The following SPATA16 variants were observed in gnomAD, a reference collection of about 807,000 sequenced individuals.
SPATA16 encodes spermatogenesis associated 16.
A neutral mutation model predicts 63.3 loss-of-function variants in SPATA16; 36 were observed. The ratio of observed to expected loss-of-function variants is 0.57; its 90% CI spans 0.44 to 0.75. SPATA16 has a LOEUF of 0.75. Among genes scored for constraint, SPATA16 ranks in the 30% least tolerant of loss-of-function variants. The pLI, the probability that SPATA16 is intolerant of heterozygous loss-of-function variation, is 0.00. For missense variants in SPATA16, 646 were observed against 679.3 expected (o/e 0.95, Z 0.54); for synonymous variants, 203 against 216.7 (o/e 0.94, Z 0.56).
chr3:173,033,487 C>A (rs545223131), intron 3 of SPATA16, among the ~76,000 whole-genome samples: 1 of 152,008 alleles, frequency 6.6e-6, no homozygotes, highest in Non-Finnish European at 1.5e-5. Flanking sequence ...ATTATCTTTC[C>A]TTTGGAGTCT....
At chr3:172,914,461 A>G (rs968229061) in intron 9 of SPATA16, among the ~76,000 whole-genome samples, 6 of 152,212 alleles carry the variant, frequency 3.9e-5, no homozygotes, top group Non-Finnish European at 7.4e-5. Flanking sequence ...TCACTATGAC[A>G]TCAAACAGTA....
intron 2 of SPATA16, among the ~76,000 whole-genome samples, chr3:173,111,026 G>C (rs1432105257): frequency 6.6e-6 from 1 of 152,214 alleles, no homozygotes; most frequent in African/African-American, 2.4e-5. Flanking sequence ...GCACATTACA[G>C]TATGAAAAGC....
chr3:173,032,273 A>G (rs1185306490), intron 3 of SPATA16, among the ~76,000 whole-genome samples: 1 of 152,138 alleles, frequency 6.6e-6, no homozygotes, highest in Admixed American at 6.6e-5. Context: ...ACAAACACCT[A>G]TTTCTTGACA....
rs770570165 is a variant in SPATA16, at chr3:172,976,949, T to C, written c.933+19A>G. ...AATGAGATGGGTTTCTCCTCCCTAG[T>C]TGGGACATCAATTTTTACCTGCCAA... On this transcript the variant is annotated intron_variant, in intron 5 of 10. Transcript: ENST00000351008. 3.7e-6 allele frequency: 6 copies of C among 1,605,076 alleles called. No homozygotes were observed. The highest frequency in any genetic ancestry group is 5.1e-6 in the Non-Finnish European group (6 of 1,172,876).
At chr3:172,935,688 G>C (rs1732973297) in intron 6 of SPATA16, among the ~76,000 whole-genome samples, 1 of 152,138 alleles carries the variant, frequency 6.6e-6, no homozygotes, top group African/African-American at 2.4e-5. Flanking sequence ...GGTGAAATCG[G>C]GGTATCAGTA....
Position 172,889,629 on chromosome 3 carries a change from TCA to T in SPATA16, c.1649_1650del (p.Leu550GlnfsTer48). On this transcript the variant is annotated frameshift_variant, in exon 11 of 11. Coordinates refer to ENST00000351008, the MANE Select transcript of SPATA16 (RefSeq NM_031955.6). LOFTEE classifies it high-confidence loss of function. ...LEDSFLKTKK[L>X]RTARRQKTKM... is the part of the protein sequence containing the mutation. The stretch of plus-strand genomic sequence containing the variant: ...TTTGTTTTTTGCCTTCGAGCAGTTC[TCA>T]GTTTTTTAGTTTTTAAGAAACTGTC... 6.2e-7 allele frequency: 1 copy of T among 1,613,912 alleles called. No individual in the cohort carries two copies. The highest frequency in any genetic ancestry group is 8.5e-7 in the Non-Finnish European group (1 of 1,179,880).
chr3:172,956,637 A>G, intron 6 of SPATA16, 40 bp downstream of exon 6: 2 of 1,600,752 alleles, frequency 1.2e-6, no homozygotes, highest in Non-Finnish European at 1.7e-6. Flanking sequence ...TTTATTTGAA[A>G]CAAAATATCA....
At chr3:173,029,431 T>G (rs1735549252) in intron 3 of SPATA16, among the ~76,000 whole-genome samples, 1 of 150,794 alleles carries the variant, frequency 6.6e-6, no homozygotes, top group African/African-American at 2.5e-5. Flanking sequence ...GTTTGTTTTG[T>G]TGTTGTTTGT....
intron 4 of SPATA16, among the ~76,000 whole-genome samples, chr3:172,992,338 T>A (rs963668689): frequency 9.9e-5 from 15 of 152,258 alleles, no homozygotes; most frequent in African/African-American, 2.9e-4. Flanking sequence ...GGAAGTATTT[T>A]TTCATGTGAG....
intron 2 of SPATA16, among the ~76,000 whole-genome samples, chr3:173,100,870 A>G (rs1051095306): frequency 6.6e-6 from 1 of 152,198 alleles, no homozygotes; most frequent in Non-Finnish European, 1.5e-5. Flanking sequence ...AATATCAACA[A>G]CAAGAGAAAA....
At position 173,101,863 on chromosome 3, in the gene SPATA16, T is replaced by C. The variant is rs9809764; in HGVS notation, c.612+15257A>G. ...TTCATCTTTAGTCCCTGAACCACTA[T>C]GCATTCTCTTCACTGGACGCTTTCT... On this transcript the variant is annotated intron_variant, in intron 2 of 10. Coordinates refer to ENST00000351008, the MANE Select transcript of SPATA16 (RefSeq NM_031955.6). Among the ~76,000 whole-genome samples the C allele has an allele frequency of 8.6e-3, 1,313 of 152,270 alleles. 28 individuals are homozygous for C. The highest frequency in any genetic ancestry group is 0.029 in the African/African-American group (1,213 of 41,558).
chr3:173,057,115 C>CTTTTT (rs397876631), intron 2 of SPATA16, among the ~76,000 whole-genome samples: 11 of 138,186 alleles, frequency 8.0e-5, no homozygotes, highest in East Asian at 4.3e-4. Flanking sequence ...CTTTTCTTTT[C>CTTTTT]TTTTTTTTTT....
chr3:172,977,195 A>G (rs919681069), intron 4 of SPATA16, 143 bp from the exon 5 acceptor site: 2 of 729,290 alleles, frequency 2.7e-6, no homozygotes, highest in African/African-American at 1.8e-5. Flanking sequence ...GCAAAACACA[A>G]AGCACATTTT....
chr3:173,117,605 T>G lies in SPATA16; in HGVS notation c.127A>C (p.Met43Leu). The change falls in exon 2 of 11, where the codon ATG (methionine) becomes CTG (leucine). Residue 43 changes from methionine (M) to leucine (L), a missense_variant. Met to Leu is a conservative substitution (Grantham distance 15). Transcript: ENST00000351008. ...CAGTTTTTCTTAATCTCTTGTGACA[T>G]TTCCAGGATGTTAGGTGGGTGCGCT... ...TLAHPPNILE[M>L]SQEIKKNCGG... 6.2e-7 allele frequency: 1 copy of G among 1,613,774 alleles called. No individual in the cohort carries two copies. The highest frequency in any genetic ancestry group is 8.5e-7 in the Non-Finnish European group (1 of 1,179,776).
Position 172,926,902 on chromosome 3 carries a change from T to A in SPATA16, c.1082-1410A>T, listed in dbSNP as rs188886510. On this transcript the variant is annotated intron_variant, in intron 6 of 10. Coordinates refer to ENST00000351008, the MANE Select transcript of SPATA16 (RefSeq NM_031955.6). ...GAGGTAAGCCCTCTTCGTTTAACAC[T>A]GCCAGAAAGGGGGAAAGGCAAAATC... is the stretch of plus-strand genomic sequence containing the variant. Among the ~76,000 whole-genome samples, 347 of 152,300 alleles carry A rather than the reference T, an allele frequency of 2.3e-3. 1 individual carries two copies. The highest frequency in any genetic ancestry group is 8.2e-3 in the African/African-American group (339 of 41,558).
intron 10 of SPATA16, among the ~76,000 whole-genome samples, chr3:172,912,119 T>G (rs1446464471): frequency 6.6e-6 from 1 of 152,360 alleles, no homozygotes; most frequent in South Asian, 2.1e-4. Flanking sequence ...TAAAAAACAC[T>G]TCAGTACGAA....
chr3:173,022,685 T>C (rs1735360630), intron 3 of SPATA16, among the ~76,000 whole-genome samples: 1 of 152,088 alleles, frequency 6.6e-6, no homozygotes, highest in African/African-American at 2.4e-5. Context: ...TTGATGCCAT[T>C]TGGAAAGCTG....
chr3:172,945,395 T>G (rs1418405308), intron 6 of SPATA16, among the ~76,000 whole-genome samples: 1 of 152,198 alleles, frequency 6.6e-6, no homozygotes, highest in Non-Finnish European at 1.5e-5. Context: ...AACACCAAAC[T>G]GAACAACTAT....
intron 6 of SPATA16, among the ~76,000 whole-genome samples, chr3:172,949,136 T>C (rs1235317242): frequency 6.6e-6 from 1 of 152,168 alleles, no homozygotes; most frequent in East Asian, 1.9e-4. Context: ...GACTTGATGT[T>C]TACTCCATAA....
Sources: allele counts gnomAD v4.1 joint callset (sites outside exome capture counted in the v4.1 genomes callset), GRCh38; gene constraint gnomAD v4.1.1; transcripts MANE v1.5; gene names NCBI Gene and HGNC (gene_info 2026-07-23, HGNC 2026-07-21).